The following FBXW7 variants were observed in gnomAD, a reference collection of about 807,000 sequenced individuals.
The protein encoded by FBXW7 is F-box and WD repeat domain containing 7.
Under a neutral mutation model 86.3 loss-of-function variants are expected in FBXW7, and 11 were observed. The ratio of observed to expected loss-of-function variants is 0.13; its 90% confidence interval spans 0.08 to 0.21. FBXW7 has a LOEUF of 0.21. Ranked by LOEUF, FBXW7 falls within the 10% of genes least tolerant of loss-of-function variation. The pLI, the probability that FBXW7 is intolerant of heterozygous loss-of-function variation, is 1.00. For missense variants in FBXW7, 488 were observed against 847.4 expected (o/e 0.58, Z 5.27); for synonymous variants, 313 against 297.9 (o/e 1.05, Z -0.52).
intron 7 of FBXW7, among the ~76,000 whole-genome samples, chr4:152,337,097 A>G (rs924659272): frequency 3.3e-5 from 5 of 151,986 alleles, no homozygotes. Flanking sequence ...TAAAGGAACT[A>G]TATCTAAACT....
chr4:152,371,924 T>A (rs534320416), intron 4 of FBXW7, among the ~76,000 whole-genome samples: 8 of 152,078 alleles, frequency 5.3e-5, no homozygotes, highest in African/African-American at 1.9e-4. Flanking sequence ...GGGAAAGGTG[T>A]GCTGTCTTAT....
At chr4:152,431,620 A>G (rs1307337783) in intron 2 of FBXW7, among the ~76,000 whole-genome samples, 1 of 152,188 alleles carries the variant, frequency 6.6e-6, no homozygotes, top group Non-Finnish European at 1.5e-5. Flanking sequence ...ACAGTCCAAA[A>G]CAATGGTGTC....
chr4:152,455,497 G>T (rs2149618685), intron 2 of FBXW7, among the ~76,000 whole-genome samples: 1 of 152,140 alleles, frequency 6.6e-6, no homozygotes, highest in South Asian at 2.1e-4. Context: ...TTCCTTCTGG[G>T]GCATCACCAG....
chr4:152,474,199 T>C (rs904764262), intron 2 of FBXW7, among the ~76,000 whole-genome samples: 17 of 152,196 alleles, frequency 1.1e-4, no homozygotes, highest in African/African-American at 2.9e-4. Context: ...ACTGCAAAGA[T>C]ACAAGCAAAA....
chr4:152,466,897 G>A (rs190044275), intron 2 of FBXW7, among the ~76,000 whole-genome samples: 2,090 of 152,222 alleles, frequency 0.014, 26 homozygotes, highest in Middle Eastern at 0.037. Flanking sequence ...AGCTGAGATC[G>A]CGCCACTGCA....
chr4:152,492,620 A>G (rs921780611), intron 2 of FBXW7, among the ~76,000 whole-genome samples: 1 of 152,150 alleles, frequency 6.6e-6, no homozygotes, highest in Non-Finnish European at 1.5e-5. Context: ...CCTAATAACT[A>G]ATGTTTTTAT....
intron 2 of FBXW7, among the ~76,000 whole-genome samples, chr4:152,471,537 T>C (rs1188909697): frequency 2.7e-5 from 2 of 74,026 alleles, no homozygotes; most frequent in African/African-American, 1.1e-4. Flanking sequence ...GAGGGAAGGA[T>C]GGAAGGAAGG....
At chr4:152,503,636 T>A (rs1424981255) in intron 2 of FBXW7, among the ~76,000 whole-genome samples, 2 of 136,710 alleles carry the variant, frequency 1.5e-5, no homozygotes, top group Non-Finnish European at 3.1e-5. Flanking sequence ...AAGTTGTCAC[T>A]ATGTAGCTGT....
Position 152,348,299 on chromosome 4 carries a change from T to C in FBXW7, c.585-1228A>G, listed in dbSNP as rs369233072. ...AGCAATTAAATCTATCTTTTCTTCT[T>C]TCAAATTCAAAGGTAAGTTCTATTT... On this transcript the variant is annotated intron_variant, in intron 5 of 13. Transcript: ENST00000281708. Among the ~76,000 whole-genome samples the C allele has an allele frequency of 8.9e-4, 136 of 152,222 alleles. 1 individual carries two copies. Among genetic ancestry groups the C allele is most frequent in the African/African-American group, 3.2e-3 (132 of 41,578 alleles).
chr4:152,436,816 G>C (rs537458456), intron 2 of FBXW7, among the ~76,000 whole-genome samples: 1 of 152,290 alleles, frequency 6.6e-6, no homozygotes, highest in South Asian at 2.1e-4. Flanking sequence ...TCCATTTATT[G>C]CAAGACTTTA....
intron 4 of FBXW7, among the ~76,000 whole-genome samples, chr4:152,364,751 T>C (rs538355614): frequency 2.1e-4 from 32 of 152,196 alleles, no homozygotes; most frequent in African/African-American, 7.2e-4. Flanking sequence ...ATTTGATCCA[T>C]GTATGGTTAT....
chr4:152,322,017 G>A lies in FBXW7; in HGVS notation c.*864C>T, dbSNP rs998685393. On this transcript the variant is annotated 3_prime_UTR_variant, in exon 14 of 14. Transcript: ENST00000281708. ...CAAACTAGAGCAAATTTGGAATTCA[G>A]TCTGGGACTAAAACGTCACAGCAGA... The A allele has an allele frequency of 1.3e-5, 3 of 232,672 alleles. No individual in the cohort carries two copies. The highest frequency in any genetic ancestry group is 2.6e-5 in the Non-Finnish European group (3 of 117,644). 14.4% of individuals were successfully genotyped at this position (232,672 alleles called of 1,614,324 possible). A position where few individuals can be genotyped will look rare whatever the true frequency, so the allele number is the denominator to read the frequency against.
intron 2 of FBXW7, among the ~76,000 whole-genome samples, chr4:152,498,767 C>T (rs192527226): frequency 1.3e-5 from 2 of 152,154 alleles, no homozygotes; most frequent in Admixed American, 1.3e-4. Context: ...AATAGTGGAG[C>T]TCAAGCCAAG....
At chr4:152,326,438 A>G (rs563418763) in intron 11 of FBXW7, among the ~76,000 whole-genome samples, 9 of 151,794 alleles carry the variant, frequency 5.9e-5, no homozygotes, top group Non-Finnish European at 1.2e-4. Context: ...TGGGAAGCCT[A>G]GAATGCTGCA....
intron 4 of FBXW7, among the ~76,000 whole-genome samples, chr4:152,394,470 G>T (rs1266966514): frequency 6.6e-6 from 1 of 152,070 alleles, no homozygotes; most frequent in Non-Finnish European, 1.5e-5. Flanking sequence ...CGGGGATCAA[G>T]AGTGCTTCAT....
rs192255300 is a variant in FBXW7 at position 152,350,184 on chromosome 4, G to T, written c.502-60C>A. The T allele has an allele frequency of 6.6e-6, 6 of 907,514 alleles. No homozygotes were observed. The East Asian group carries it at 1.7e-4, about 25-fold the overall frequency. 56.2% of individuals were successfully genotyped at this position (907,514 alleles called of 1,614,324 possible). On this transcript the variant is annotated intron_variant, in intron 4 of 13. Coordinates refer to ENST00000281708, the MANE Select transcript of FBXW7 (RefSeq NM_001349798.2). Reference sequence around the variant, plus strand: ...AAATCGTCTAACTATCAAATCTTGAGTCAGCATGGTTAATATTTTAAATTC... The same window carrying T: ...AAATCGTCTAACTATCAAATCTTGATTCAGCATGGTTAATATTTTAAATTC...
Position 152,358,927 on chromosome 4 carries a change from T to A in FBXW7, c.502-8803A>T, listed in dbSNP as rs1578984124. Among the ~76,000 whole-genome samples the A allele has an allele frequency of 2.6e-5, 4 of 152,288 alleles. No homozygotes were observed. In the South Asian group the frequency reaches 8.3e-4, roughly 32 times the overall value. ...AGAACCTTGGTCTCTGGTCCCAAGATCAATAATTCTTACTGATTTCCATTA... is the reference window on the plus strand; with the variant it reads ...AGAACCTTGGTCTCTGGTCCCAAGAACAATAATTCTTACTGATTTCCATTA... On this transcript the variant is annotated intron_variant, in intron 4 of 13. Transcript: ENST00000281708.
At chr4:152,447,633 C>T (rs148488604) in intron 2 of FBXW7, among the ~76,000 whole-genome samples, 1 of 152,114 alleles carries the variant, frequency 6.6e-6, no homozygotes, top group Non-Finnish European at 1.5e-5. Flanking sequence ...TTTGCTATAT[C>T]CTTAAACACT....
chr4:152,469,888 T>C (rs1308961318), intron 2 of FBXW7, among the ~76,000 whole-genome samples: 2 of 152,140 alleles, frequency 1.3e-5, no homozygotes, highest in African/African-American at 4.8e-5. Context: ...ATGTAGCATA[T>C]GTGTAAACTT....
Sources: gnomAD v4.1 joint callset for allele counts (sites outside exome capture counted in the v4.1 genomes callset) on GRCh38, gnomAD v4.1.1 for gene constraint, MANE v1.5 for transcripts, NCBI Gene and HGNC (gene_info 2026-07-23, HGNC 2026-07-21) for gene names.